Variants in TENT4B observed in about 807,000 individuals in gnomAD.
The protein encoded by TENT4B is PAP associated domain containing 5.
In TENT4B, 10 loss-of-function variants were observed where a neutral mutation model predicts 75.0. That is an observed-to-expected ratio of 0.13 (90% confidence interval 0.08 to 0.23). The LOEUF (loss-of-function observed/expected upper bound fraction) is 0.23. Among genes scored for constraint, TENT4B ranks in the 10% least tolerant of loss-of-function variants. The pLI is 1.00. For missense variants in TENT4B, 579 were observed against 893.8 expected (o/e 0.65, Z 4.49); for synonymous variants, 350 against 357.7 (o/e 0.98, Z 0.24).
chr16:50,200,689 T>C (rs1360651996), intron 1 of TENT4B, among the ~76,000 whole-genome samples: 1 of 152,216 alleles, frequency 6.6e-6, no homozygotes, highest in East Asian at 1.9e-4. Flanking sequence ...GGCCTTTGTT[T>C]AGGTCTTCTG....
Position 50,229,465 on chromosome 16 carries a change from G to A in TENT4B, c.*137G>A, listed in dbSNP as rs562955717. ...TAGCAACTGCGTTTTTTCCCAGCTC[G>A]CCACAGAATGGATCATGAAGACTGA... On this transcript the variant is annotated 3_prime_UTR_variant, in exon 12 of 12. Transcript: ENST00000561678. The A allele has an allele frequency of 1.4e-4, 181 of 1,281,084 alleles. 1 individual carries two copies. Among genetic ancestry groups the A allele is most frequent in the Middle Eastern group, 3.0e-4 (1 of 3,370 alleles). The allele number at this position is 1,281,084 out of a possible 1,614,324, so 79.4% of individuals were successfully genotyped here. A position where few individuals can be genotyped will look rare whatever the true frequency, so the allele number is the denominator to read the frequency against.
At chr16:50,216,989 C>A (rs986835308) in intron 4 of TENT4B, among the ~76,000 whole-genome samples, 1 of 151,956 alleles carries the variant, frequency 6.6e-6, no homozygotes, top group South Asian at 2.1e-4. Flanking sequence ...CAAAACTGAC[C>A]AGTAATGCAA....
chr16:50,186,785 G>A (rs1453926078), intron 1 of TENT4B, among the ~76,000 whole-genome samples: 1 of 152,118 alleles, frequency 6.6e-6, no homozygotes, highest in Non-Finnish European at 1.5e-5. Context: ...TGCCCAGGCT[G>A]GAGAACAGTG....
rs191128455 is a variant in TENT4B at position 50,207,969 on chromosome 16, G to A, written c.639-3354G>A. ...AATTATTTTAAAATCTGTACTTGAA[G>A]TTTATTTCCTCAGTATTCCAAGATA... On this transcript the variant is annotated intron_variant, in intron 1 of 11. Coordinates refer to ENST00000561678, the MANE Select transcript of TENT4B (RefSeq NM_001365324.3). Among the ~76,000 whole-genome samples, 79 of 152,306 alleles carry A rather than the reference G, an allele frequency of 5.2e-4. No individual in the cohort carries two copies. In the Middle Eastern group the frequency reaches 0.01, roughly 20 times the overall value.
intron 1 of TENT4B, among the ~76,000 whole-genome samples, chr16:50,204,786 A>G (rs777589602): frequency 6.6e-6 from 1 of 152,200 alleles, no homozygotes. Context: ...AACGCGTTTG[A>G]GTATATAAAT....
At chr16:50,193,778 C>CT (rs1220700978) in intron 1 of TENT4B, among the ~76,000 whole-genome samples, 2 of 152,134 alleles carry the variant, frequency 1.3e-5, no homozygotes, top group African/African-American at 2.4e-5. Context: ...AGGAGGAGGG[C>CT]TGGTGGCTGC....
chr16:50,175,926 G>A (rs1362289410), intron 1 of TENT4B, among the ~76,000 whole-genome samples: 2 of 151,802 alleles, frequency 1.3e-5, no homozygotes, highest in African/African-American at 4.8e-5. Flanking sequence ...GGGACTACAG[G>A]TGAGCACCAC....
At chr16:50,161,086 C>A (rs1262912008) in intron 1 of TENT4B, among the ~76,000 whole-genome samples, 1 of 152,138 alleles carries the variant, frequency 6.6e-6, no homozygotes, top group Non-Finnish European at 1.5e-5. Flanking sequence ...TTCTTTCCAC[C>A]CCAGAATATT....
intron 1 of TENT4B, among the ~76,000 whole-genome samples, chr16:50,194,216 CTTTT>C (rs5816679): frequency 7.2e-6 from 1 of 139,802 alleles, no homozygotes; most frequent in Non-Finnish European, 1.5e-5. Context: ...TCTTTTCTTT[CTTTT>C]TTTTTTTTTC....
intron 1 of TENT4B, among the ~76,000 whole-genome samples, chr16:50,207,280 C>G (rs1466281244): frequency 6.6e-6 from 1 of 152,134 alleles, no homozygotes. Flanking sequence ...CTTCCGGGCT[C>G]AAGCGATTCT....
At chr16:50,154,474 C>G (rs1426002850) in intron 1 of TENT4B, among the ~76,000 whole-genome samples, 2 of 151,870 alleles carry the variant, frequency 1.3e-5, no homozygotes, top group African/African-American at 2.4e-5. Flanking sequence ...CGTCTCCTGT[C>G]CTCCCTTAGT....
At position 50,234,460 on chromosome 16, in the gene TENT4B, T is replaced by C. The variant is rs1280874849; in HGVS notation, c.*5132T>C. Reference sequence around the variant, plus strand: ...AGCCACATTCTTGGAGTTAATATTTTTCTTCATCTTTCAGTTTGGGTTCTG... The same window carrying C: ...AGCCACATTCTTGGAGTTAATATTTCTCTTCATCTTTCAGTTTGGGTTCTG... On this transcript the variant is annotated 3_prime_UTR_variant, in exon 12 of 12. Transcript: ENST00000561678. 1.0e-6 allele frequency: 1 copy of C among 985,332 alleles called. No individual in the cohort carries two copies. Among genetic ancestry groups the C allele is most frequent in the Non-Finnish European group, 1.2e-6 (1 of 829,936 alleles). The allele number at this position is 985,332 out of a possible 1,614,324, so 61.0% of individuals were successfully genotyped here.
intron 1 of TENT4B, among the ~76,000 whole-genome samples, chr16:50,192,232 CAAA>C (rs35218799): frequency 7.7e-5 from 10 of 129,522 alleles, no homozygotes; most frequent in Non-Finnish European, 8.3e-5. Flanking sequence ...GACTCTGTCT[CAAA>C]AAAAAAAAAA....
Position 50,228,043 on chromosome 16 carries a change from CA to C in TENT4B, c.1965+44del, listed in dbSNP as rs34032707. ...GGTTTTTAATTGTTAGTATTTGATA[CA>C]AAATATTTAGAATTTCCCACATGTA... On this transcript the variant is annotated intron_variant, in intron 11 of 11. Transcript: ENST00000561678. 4 of 1,582,950 alleles carry C rather than the reference CA, an allele frequency of 2.5e-6. No homozygotes were observed. The South Asian group carries it at 4.5e-5, about 18-fold the overall frequency.
chr16:50,161,761 A>G (rs949517326), intron 1 of TENT4B, among the ~76,000 whole-genome samples: 1 of 152,204 alleles, frequency 6.6e-6, no homozygotes, highest in African/African-American at 2.4e-5. Flanking sequence ...ACGATAATTT[A>G]ATGTCAAGAA....
intron 1 of TENT4B, among the ~76,000 whole-genome samples, chr16:50,172,963 G>A (rs1272691555): frequency 6.6e-6 from 1 of 151,594 alleles, no homozygotes; most frequent in Non-Finnish European, 1.5e-5. Flanking sequence ...TTTTTTTTGA[G>A]ATGGAGTCTC....
chr16:50,224,817 A>C (rs372345625), intron 8 of TENT4B, 34 bp downstream of exon 8: 202 of 1,612,916 alleles, frequency 1.3e-4, no homozygotes, highest in Non-Finnish European at 1.6e-4. Context: ...CCATTGTGTC[A>C]AAATTAGTTG....
intron 1 of TENT4B, among the ~76,000 whole-genome samples, chr16:50,199,606 C>A (rs926110504): frequency 6.6e-6 from 1 of 152,140 alleles, no homozygotes; most frequent in Non-Finnish European, 1.5e-5. Context: ...AATGTCACAC[C>A]CTTGGAATCA....
At chr16:50,211,255 T>C in intron 1 of TENT4B, 68 bp from the exon 2 acceptor site, 1 of 1,432,096 alleles carries the variant, frequency 7.0e-7, no homozygotes, top group Non-Finnish European at 9.2e-7. Context: ...TTAGATAAGA[T>C]TATTTAAGAT....
Sources: allele counts gnomAD v4.1 joint callset (sites outside exome capture counted in the v4.1 genomes callset), GRCh38; gene constraint gnomAD v4.1.1; transcripts MANE v1.5; gene names NCBI Gene and HGNC (gene_info 2026-07-23, HGNC 2026-07-21).